Variants in MTUS1 observed in about 807,000 individuals in gnomAD.
The protein encoded by MTUS1 is microtubule-associated tumor suppressor 1.
MTUS1 carries 109 observed loss-of-function variants against 120.8 expected under a neutral mutation model. That is an observed-to-expected ratio of 0.90 (90% CI 0.77 to 1.06). MTUS1 has a LOEUF of 1.06. Ranked by LOEUF, MTUS1 falls within the 50% of genes least tolerant of loss-of-function variation. The pLI is 0.00. For synonymous variants in MTUS1, 737 were observed against 550.5 expected (o/e 1.34, Z -4.74); for missense variants, 2,210 against 1,486.3 (o/e 1.49, Z -8.01).
At chr8:17,658,782 C>G (rs1008156268) in intron 8 of MTUS1, among the ~76,000 whole-genome samples, 1 of 152,120 alleles carries the variant, frequency 6.6e-6, no homozygotes, top group Non-Finnish European at 1.5e-5. Context: ...ACAATGGTGT[C>G]AACTTGTTAT....
chr8:17,656,552 C>CG (rs1432495992), intron 8 of MTUS1, among the ~76,000 whole-genome samples: 1 of 126,692 alleles, frequency 7.9e-6, no homozygotes, highest in East Asian at 2.6e-4. Flanking sequence ...AAAACCCCCC[C>CG]CCACCCCACA....
Position 17,653,268 on chromosome 8 carries a change from T to C in MTUS1, c.3302A>G (p.Asp1101Gly). ...KQESLEKQIN[D>G]LKSENDALNE... ...TAAAGCATCATTTTCACTCTTCAGA[T>C]CATTGATTTGCTTCTAAAACACAAT... is the stretch of plus-strand genomic sequence containing the variant. Residue 1101 changes from aspartate to glycine, a missense_variant, in exon 12 of 15, where the codon GAT (aspartate) becomes GGT (glycine). Transcript: ENST00000693296. 1 of 1,556,382 alleles carries C rather than the reference T, an allele frequency of 6.4e-7. No homozygotes were observed. The highest frequency in any genetic ancestry group is 8.7e-7 in the Non-Finnish European group (1 of 1,155,220).
At chr8:17,777,483 G>A (rs1475983793) in intron 1 of MTUS1, among the ~76,000 whole-genome samples, 1 of 151,398 alleles carries the variant, frequency 6.6e-6, no homozygotes, top group African/African-American at 2.4e-5. Flanking sequence ...CAGGCACAGT[G>A]TGTCCCTGGA....
At chr8:17,691,236 G>C (rs1282346589) in intron 6 of MTUS1, 1 of 152,204 alleles carries the variant, frequency 6.6e-6, no homozygotes, top group Non-Finnish European at 1.5e-5. Context: ...CTAGTTATCT[G>C]AAACTTGTCA....
At chr8:17,670,604 A>T (rs1235438769) in intron 8 of MTUS1, among the ~76,000 whole-genome samples, 1 of 152,168 alleles carries the variant, frequency 6.6e-6, no homozygotes, top group Non-Finnish European at 1.5e-5. Flanking sequence ...CGGGCGGATC[A>T]CTTGAGGCAA....
intron 1 of MTUS1, among the ~76,000 whole-genome samples, chr8:17,788,439 T>C (rs1368574382): frequency 6.6e-6 from 1 of 152,184 alleles, no homozygotes; most frequent in Non-Finnish European, 1.5e-5. Context: ...AGCTACTAGT[T>C]ACCGTTTCTG....
intron 3 of MTUS1, among the ~76,000 whole-genome samples, chr8:17,728,372 T>C (rs1351426145): frequency 1.3e-5 from 2 of 152,210 alleles, no homozygotes; most frequent in Non-Finnish European, 2.9e-5. Flanking sequence ...CCCAAAGTGC[T>C]GGGATTACAG....
rs750200649 is a variant in MTUS1, at chr8:17,645,901, A to G, written c.*25T>C. 1.2e-6 allele frequency: 2 copies of G among 1,600,680 alleles called. No homozygotes were observed. Among genetic ancestry groups the G allele is most frequent in the Admixed American group, 3.4e-5 (2 of 58,174 alleles). ...CAGACCTGCATCAAAATGCTTTCAG[A>G]GAGTCTGTGGACTTTGGGGAGGTGT... On this transcript the variant is annotated 3_prime_UTR_variant, in exon 15 of 15. Transcript: ENST00000693296.
At chr8:17,698,244 T>G (rs762424154) in intron 6 of MTUS1, among the ~76,000 whole-genome samples, 1 of 152,228 alleles carries the variant, frequency 6.6e-6, no homozygotes, top group Non-Finnish European at 1.5e-5. Flanking sequence ...ATTGCATTTA[T>G]AGAACATCAT....
At chr8:17,660,352 G>C (rs1329611650) in intron 8 of MTUS1, among the ~76,000 whole-genome samples, 4 of 152,168 alleles carry the variant, frequency 2.6e-5, no homozygotes, top group African/African-American at 7.2e-5. Context: ...CAGCCTGGGT[G>C]ACAGAGCAAG....
At chr8:17,724,943 T>A (rs758107638) in intron 3 of MTUS1, among the ~76,000 whole-genome samples, 23 of 152,258 alleles carry the variant, frequency 1.5e-4, no homozygotes, top group Admixed American at 4.6e-4. Context: ...TTTATTTTTT[T>A]AAAAATCTTG....
intron 6 of MTUS1, among the ~76,000 whole-genome samples, chr8:17,710,606 G>A (rs1821089201): frequency 6.6e-6 from 1 of 152,176 alleles, no homozygotes; most frequent in Non-Finnish European, 1.5e-5. Flanking sequence ...GGTTAGGTCA[G>A]CTTCTTCCAA....
intron 7 of MTUS1, among the ~76,000 whole-genome samples, chr8:17,681,069 G>A (rs1814379726): frequency 6.6e-6 from 1 of 152,108 alleles, no homozygotes; most frequent in African/African-American, 2.4e-5. Context: ...GAGTAGCTGG[G>A]ACTACAGGCA....
chr8:17,716,834 G>A (rs556310835), intron 4 of MTUS1, among the ~76,000 whole-genome samples: 16 of 152,320 alleles, frequency 1.1e-4, no homozygotes, highest in South Asian at 1.0e-3. Context: ...GATTACAGGC[G>A]TGAGCCACCG....
rs2048530634 is a variant in MTUS1, at chr8:17,755,367, G to A, written c.441C>T (p.Asn147=). Residue 147 remains asparagine, a synonymous_variant, in exon 2 of 15, where the codon AAC becomes AAT. Transcript: ENST00000693296. Reference sequence around the variant, plus strand: ...CCAAGGCATCACAGTAGCCTGCACAGTTCAAATTGTCATTAGGCTTCCACA... The same window carrying A: ...CCAAGGCATCACAGTAGCCTGCACAATTCAAATTGTCATTAGGCTTCCACA... ...PFVWKPNDNL[N]CAGYCDALEL... 2 of 1,614,126 alleles carry A rather than the reference G, an allele frequency of 1.2e-6. No homozygotes were observed. Among genetic ancestry groups the A allele is most frequent in the South Asian group, 1.1e-5 (1 of 91,084 alleles).
intron 8 of MTUS1, among the ~76,000 whole-genome samples, chr8:17,662,967 G>C (rs1247189749): frequency 2.0e-5 from 3 of 152,094 alleles, no homozygotes; most frequent in Non-Finnish European, 2.9e-5. Context: ...ATTGAGATTA[G>C]AAGTCAGTAT....
At chr8:17,767,700 T>TAAGAAAAA (rs1554533204) in intron 1 of MTUS1, among the ~76,000 whole-genome samples, 13 of 87,872 alleles carry the variant, frequency 1.5e-4, no homozygotes, top group African/African-American at 6.1e-4. Context: ...CCCTGTCTCT[T>TAAGAAAAA]AAAAAAAAAA....
chr8:17,653,134 A>C (rs1807387520), intron 12 of MTUS1, 52 bp downstream of exon 12: 1 of 1,049,558 alleles, frequency 9.5e-7, no homozygotes, highest in African/African-American at 1.6e-5. Context: ...TGACTCTAAA[A>C]GGCAACTGAG....
intron 8 of MTUS1, among the ~76,000 whole-genome samples, chr8:17,668,876 G>C (rs942587589): frequency 9.2e-5 from 14 of 152,062 alleles, no homozygotes; most frequent in Admixed American, 2.6e-4. Context: ...CCCTCTTTGT[G>C]TCCATATGTG....
Sources: gnomAD v4.1 joint callset for allele counts (sites outside exome capture counted in the v4.1 genomes callset) on GRCh38, gnomAD v4.1.1 for gene constraint, MANE v1.5 for transcripts, NCBI Gene and HGNC (gene_info 2026-07-23, HGNC 2026-07-21) for gene names.